RPGRIP1L: variants seen among roughly 807,000 people sequenced by gnomAD.
RPGRIP1L encodes RPGRIP1 like.
A neutral mutation model predicts 160.4 loss-of-function variants in RPGRIP1L; 131 were observed. The ratio of observed to expected loss-of-function variants is 0.82; its 90% CI spans 0.71 to 0.94. RPGRIP1L has a LOEUF of 0.94. Ranked by LOEUF, RPGRIP1L falls within the 40% of genes least tolerant of loss-of-function variation. The probability of loss-of-function intolerance (pLI) is 0.00; values close to 1 mark genes in which losing one functional copy is unlikely to be tolerated. For missense variants in RPGRIP1L, 1,522 were observed against 1,535.8 expected (o/e 0.99, Z 0.15); for synonymous variants, 510 against 515.8 (o/e 0.99, Z 0.15).
intron 17 of RPGRIP1L, among the ~76,000 whole-genome samples, chr16:53,644,004 G>C (rs930528365): frequency 6.6e-6 from 1 of 152,212 alleles, no homozygotes; most frequent in East Asian, 1.9e-4. Flanking sequence ...AAAGTATAAT[G>C]ATAATGTTTT....
Position 53,653,090 on chromosome 16 carries a change from CTA to C in RPGRIP1L, c.1700-105_1700-104del, listed in dbSNP as rs1173897915. 16 of 983,036 alleles carry C rather than the reference CTA, an allele frequency of 1.6e-5. 1 individual carries two copies. The highest frequency in any genetic ancestry group is 5.1e-4 in the Middle Eastern group (2 of 3,958). The allele number at this position is 983,036 out of a possible 1,614,324, so 60.9% of individuals were successfully genotyped here. ...AATGAGTACTTCTGGTGAACAGTCT[CTA>C]TTTTAAATTCTATGACTACACTGTT... On this transcript the variant is annotated intron_variant, in intron 14 of 26. Coordinates refer to ENST00000647211, the MANE Select transcript of RPGRIP1L (RefSeq NM_015272.5).
At chr16:53,638,572 T>C (rs1233110191) in intron 19 of RPGRIP1L, among the ~76,000 whole-genome samples, 161 bp from the exon 20 acceptor site, 3 of 151,784 alleles carry the variant, frequency 2.0e-5, no homozygotes, top group Non-Finnish European at 4.4e-5. Context: ...TAAAATGGTA[T>C]TTATATTCTT....
intron 9 of RPGRIP1L, among the ~76,000 whole-genome samples, chr16:53,668,390 T>C (rs766084938): frequency 1.3e-5 from 2 of 152,180 alleles, no homozygotes; most frequent in Non-Finnish European, 2.9e-5. Context: ...GTTAATATCA[T>C]CTTAAAAACT....
rs1470142483 is a variant in RPGRIP1L, at chr16:53,696,224, T to C, written c.157A>G (p.Arg53Gly). The change falls in exon 3 of 27, where the codon AGA (arginine) becomes GGA (glycine). Residue 53 changes from arginine to glycine, a missense_variant. Coordinates refer to ENST00000647211, the MANE Select transcript of RPGRIP1L (RefSeq NM_015272.5). ...SRVSREELED[R>G]FLRLHDENIL... ...TTCTCATCATGCAAACGCAAAAATC[T>C]GTCTTCCAGTTCCTCACGACTGACA... 3 of 1,613,978 alleles carry C rather than the reference T, an allele frequency of 1.9e-6. No homozygotes were observed. Among genetic ancestry groups the C allele is most frequent in the East Asian group, 2.2e-5 (1 of 44,864 alleles).
At chr16:53,612,450 A>T (rs1964108519) in intron 24 of RPGRIP1L, among the ~76,000 whole-genome samples, 1 of 151,768 alleles carries the variant, frequency 6.6e-6, no homozygotes, top group Non-Finnish European at 1.5e-5. Context: ...AGAGGCTGCC[A>T]GTACACAACG....
In RPGRIP1L at chr16:53,625,878, A is replaced by C. The variant is rs796723547; in HGVS notation, c.3295-3522T>G. Among the ~76,000 whole-genome samples the C allele has an allele frequency of 1.1e-3, 163 of 152,178 alleles. 1 individual carries two copies. The highest frequency in any genetic ancestry group is 6.8e-3 in the Middle Eastern group (2 of 294). ...TGCTCTCTGAAACATGTGCTGTGTC[A>C]ACTCAGGGTTAAATGGATTAAGGGC... On this transcript the variant is annotated intron_variant, in intron 22 of 26. Transcript: ENST00000647211.
chr16:53,615,716 C>T (rs540934269), intron 24 of RPGRIP1L, among the ~76,000 whole-genome samples: 6 of 151,250 alleles, frequency 4.0e-5, no homozygotes, highest in South Asian at 2.1e-4. Flanking sequence ...TGCCCACCTC[C>T]GCCTCCCAAA....
intron 24 of RPGRIP1L, among the ~76,000 whole-genome samples, chr16:53,618,243 TTCAC>T (rs1333006490): frequency 2.6e-5 from 4 of 152,192 alleles, no homozygotes; most frequent in Admixed American, 2.0e-4. Context: ...GAACTTATGC[TTCAC>T]TCAATTAAAA....
At chr16:53,676,762 A>G (rs1969210424) in intron 6 of RPGRIP1L, among the ~76,000 whole-genome samples, 1 of 152,010 alleles carries the variant, frequency 6.6e-6, no homozygotes. Context: ...CTTCCTGAGT[A>G]GCAGGGACTA....
chr16:53,626,903 A>C (rs967361466), intron 22 of RPGRIP1L, among the ~76,000 whole-genome samples: 1 of 152,016 alleles, frequency 6.6e-6, no homozygotes, highest in Non-Finnish European at 1.5e-5. Flanking sequence ...ATAGATGGAC[A>C]CTATGTGTTA....
rs1173469865 is a variant in RPGRIP1L at position 53,653,183 on chromosome 16, A to G, written c.1700-196T>C. ...TCTGTTTTGACATCACTTATTAGGC[A>G]GCAACAAAATTGCAACTTCAGTTTT... On this transcript the variant is annotated intron_variant, in intron 14 of 26. Coordinates refer to ENST00000647211, the MANE Select transcript of RPGRIP1L (RefSeq NM_015272.5). The G allele has an allele frequency of 6.6e-6, 3 of 456,370 alleles. No individual in the cohort carries two copies. In the South Asian group the frequency reaches 2.8e-4, roughly 43 times the overall value. 28.3% of individuals were successfully genotyped at this position (456,370 alleles called of 1,614,324 possible). A position where few individuals can be genotyped will look rare whatever the true frequency, so the allele number is the denominator to read the frequency against.
intron 3 of RPGRIP1L, chr16:53,695,939 A>T: frequency 2.0e-6 from 1 of 507,562 alleles, no homozygotes; most frequent in Non-Finnish European, 3.5e-6. Context: ...TTTTTCATTT[A>T]AATAGCAAAT....
chr16:53,654,548 A>G (rs1419290098), intron 14 of RPGRIP1L, among the ~76,000 whole-genome samples: 3 of 152,158 alleles, frequency 2.0e-5, no homozygotes, highest in Admixed American at 2.0e-4. Context: ...TGTTTCCTTG[A>G]TACCTTTAGA....
Position 53,638,291 on chromosome 16 carries a change from T to A in RPGRIP1L, c.3060+19A>T. On this transcript the variant is annotated intron_variant, in intron 20 of 26. Transcript: ENST00000647211. ...AACCAAATTAAACCTTCCAAAATAA[T>A]TTTAACACAAATGCATACCTTGGGA... The A allele has an allele frequency of 7.2e-7, 1 of 1,397,010 alleles. No homozygotes were observed. Among genetic ancestry groups the A allele is most frequent in the Non-Finnish European group, 1.0e-6 (1 of 983,330 alleles). 86.5% of individuals were successfully genotyped at this position (1,397,010 alleles called of 1,614,324 possible).
intron 13 of RPGRIP1L, among the ~76,000 whole-genome samples, chr16:53,657,119 A>T (rs1426909013): frequency 6.6e-6 from 1 of 152,048 alleles, no homozygotes; most frequent in Non-Finnish European, 1.5e-5. Flanking sequence ...CGGCACCTGT[A>T]ATCTCAGCTA....
rs770567013 is a variant in RPGRIP1L at position 53,646,014 on chromosome 16, A to G, written c.2305-11T>C. On this transcript the variant is annotated splice_polypyrimidine_tract_variant and intron_variant, in intron 16 of 26. Transcript: ENST00000647211. ...TGCTTGCTGACTTAACTGGAAAAAC[A>G]TACATATTTATATTAAGGAAATAAC... 2.5e-6 allele frequency: 4 copies of G among 1,612,852 alleles called. No homozygotes were observed. Among genetic ancestry groups the G allele is most frequent in the East Asian group, 2.2e-5 (1 of 44,876 alleles).
intron 6 of RPGRIP1L, among the ~76,000 whole-genome samples, chr16:53,680,252 A>G (rs1163623740): frequency 2.0e-5 from 3 of 152,168 alleles, no homozygotes; most frequent in Non-Finnish European, 4.4e-5. Flanking sequence ...ACTGTTCAAA[A>G]TAACAGTCAG....
chr16:53,648,950 C>T lies in RPGRIP1L; in HGVS notation c.2304+14G>A. 1 of 1,611,820 alleles carries T rather than the reference C, an allele frequency of 6.2e-7. No homozygotes were observed. The highest frequency in any genetic ancestry group is 1.1e-5 in the South Asian group (1 of 91,008). ...TCTATGTCATAAAAGGGTCTTAAAG[C>T]CAAATGAGCTTACCGACTGCATATG... On this transcript the variant is annotated intron_variant, in intron 16 of 26. Coordinates refer to ENST00000647211, the MANE Select transcript of RPGRIP1L (RefSeq NM_015272.5).
Position 53,637,690 on chromosome 16 carries a change from G to A in RPGRIP1L, c.3220+5C>T, listed in dbSNP as rs1240095404. On this transcript the variant is annotated splice_donor_5th_base_variant and intron_variant, in intron 21 of 26. Transcript: ENST00000647211. The stretch of plus-strand genomic sequence containing the variant: ...AAACAATGTTAGTTTAAATAAGAAA[G>A]TCACCTTCTGGTTCCAAGTCCTCTG... 1.9e-6 allele frequency: 3 copies of A among 1,606,342 alleles called. No homozygotes were observed. The East Asian group carries it at 6.7e-5, about 36-fold the overall frequency.
Sources: allele counts gnomAD v4.1 joint callset (sites outside exome capture counted in the v4.1 genomes callset), GRCh38; gene constraint gnomAD v4.1.1; transcripts MANE v1.5; gene names NCBI Gene and HGNC (gene_info 2026-07-23, HGNC 2026-07-21).